The following NIBAN1 variants were observed in gnomAD, a reference collection of about 807,000 sequenced individuals.
NIBAN1 encodes the protein protein Niban 1.
Under a neutral mutation model 75.1 loss-of-function variants are expected in NIBAN1, and 81 were observed. That is an observed-to-expected ratio of 1.08 (90% CI 0.90 to 1.30). The LOEUF (loss-of-function observed/expected upper bound fraction) is 1.30. Ranked by LOEUF, NIBAN1 falls within the 50% of genes most tolerant of loss-of-function variation. The pLI is 0.00. For missense variants in NIBAN1, 1,133 were observed against 1,128.1 expected, an observed-to-expected ratio of 1.00 and a Z score of -0.06; for synonymous variants, 436 against 424.8, an observed-to-expected ratio of 1.03 and a Z score of -0.32.
chr1:184,930,971 T>C (rs1489274262), intron 1 of NIBAN1, among the ~76,000 whole-genome samples: 1 of 151,526 alleles, frequency 6.6e-6, no homozygotes, highest in Non-Finnish European at 1.5e-5. Flanking sequence ...CGTGTTTCAT[T>C]GTTTCTAAGT....
chr1:184,922,928 TA>T (rs1657597815), intron 1 of NIBAN1, among the ~76,000 whole-genome samples: 1 of 152,222 alleles, frequency 6.6e-6, no homozygotes, highest in African/African-American at 2.4e-5. Context: ...TTGTTTCTTA[TA>T]GAGTTGTTTA....
chr1:184,902,229 C>T (rs1656973803), intron 1 of NIBAN1, among the ~76,000 whole-genome samples: 1 of 151,984 alleles, frequency 6.6e-6, no homozygotes, highest in Non-Finnish European at 1.5e-5. Flanking sequence ...CAAGACCCCA[C>T]CTCTAATTTA....
chr1:184,794,962 G>C lies in NIBAN1; in HGVS notation c.*15C>G. On this transcript the variant is annotated 3_prime_UTR_variant, in exon 14 of 14. Transcript: ENST00000367511. ...TGGCTTTTTTCAGAGAAAGACTTCA[G>C]CCAAATTGTCCCTTTCACTCCTCTG... is the stretch of plus-strand genomic sequence containing the variant. The C allele has an allele frequency of 6.2e-7, 1 of 1,605,612 alleles. No individual in the cohort carries two copies. The highest frequency in any genetic ancestry group is 8.5e-7 in the Non-Finnish European group (1 of 1,179,980).
intron 5 of NIBAN1, among the ~76,000 whole-genome samples, chr1:184,870,784 C>G (rs1055073100): frequency 6.6e-6 from 1 of 152,144 alleles, no homozygotes. Context: ...ATACCGTAAC[C>G]AACCCTCTTA....
At chr1:184,912,861 C>A (rs1657279618) in intron 1 of NIBAN1, among the ~76,000 whole-genome samples, 1 of 152,120 alleles carries the variant, frequency 6.6e-6, no homozygotes. Flanking sequence ...TTCTTCAGGG[C>A]AGATGCAGCC....
In NIBAN1 at chr1:184,795,659, G is replaced by T. The variant is rs1332204737; in HGVS notation, c.2105C>A (p.Pro702His). The T allele has an allele frequency of 6.2e-7, 1 of 1,614,150 alleles. No homozygotes were observed. The highest frequency in any genetic ancestry group is 8.5e-7 in the Non-Finnish European group (1 of 1,180,030). Residue 702 changes from proline (P) to histidine (H), a missense_variant, in exon 14 of 14, where the codon CCC becomes CAC. Transcript: ENST00000367511. ...DEEPAQEEPE[P>H]ITASGSLKAL... is the part of the protein sequence containing the mutation. Reference sequence around the variant, plus strand: ...CTTCAAAGAACCCGAGGCAGTGATGGGTTCTGGCTCTTCCTGGGCGGGTTC... The same window carrying T: ...CTTCAAAGAACCCGAGGCAGTGATGTGTTCTGGCTCTTCCTGGGCGGGTTC...
Position 184,931,158 on chromosome 1 carries a change from C to T in NIBAN1, c.56-31849G>A, listed in dbSNP as rs117732995. 4.6e-3 allele frequency among the ~76,000 whole-genome samples: 701 copies of T among 152,146 alleles called. 10 individuals are homozygous for T. The highest frequency in any genetic ancestry group is 0.043 in the East Asian group (224 of 5,170). ...GGGATTACTGGCACCCACTACCCTACCCGGCTAGTTTTTATATTTTTAGTA... is the reference window on the plus strand; with the variant it reads ...GGGATTACTGGCACCCACTACCCTATCCGGCTAGTTTTTATATTTTTAGTA... On this transcript the variant is annotated intron_variant, in intron 1 of 13. Transcript: ENST00000367511.
At chr1:184,818,607 T>G (rs1187283276) in intron 9 of NIBAN1, 31 bp downstream of exon 9, 1 of 1,531,994 alleles carries the variant, frequency 6.5e-7, no homozygotes, top group Non-Finnish European at 8.9e-7. Flanking sequence ...GGCAGACCAT[T>G]CACACCCAGC....
chr1:184,887,294 C>T (rs913867041), intron 4 of NIBAN1, among the ~76,000 whole-genome samples: 2 of 152,146 alleles, frequency 1.3e-5, no homozygotes, highest in African/African-American at 4.8e-5. Flanking sequence ...AATGAATCAA[C>T]ATGAAAACGA....
intron 1 of NIBAN1, among the ~76,000 whole-genome samples, chr1:184,961,314 C>T (rs951142824): frequency 2.0e-5 from 3 of 151,898 alleles, no homozygotes; most frequent in African/African-American, 7.3e-5. Flanking sequence ...CGTGATCCAC[C>T]CGCCTCGGCC....
At chr1:184,903,872 G>GACCACAGGAGCGTGCC (rs1384749238) in intron 1 of NIBAN1, among the ~76,000 whole-genome samples, 3 of 150,532 alleles carry the variant, frequency 2.0e-5, no homozygotes, top group Non-Finnish European at 4.4e-5. Context: ...GAGTAGTTGG[G>GACCACAGGAGCGTGCC]ACCACAGGAG....
At chr1:184,949,498 G>A (rs1379060521) in intron 1 of NIBAN1, among the ~76,000 whole-genome samples, 3 of 152,192 alleles carry the variant, frequency 2.0e-5, no homozygotes, top group Non-Finnish European at 4.4e-5. Flanking sequence ...ATGTAAATTA[G>A]TTGTTATTAT....
intron 1 of NIBAN1, among the ~76,000 whole-genome samples, chr1:184,967,921 C>CAAAATCCTTTATGGCTTTGCAACATGA (rs1571613199): frequency 2.7e-5 from 2 of 74,542 alleles, no homozygotes; most frequent in African/African-American, 9.0e-5. Context: ...TCACAACTCA[C>CAAAATCCTTTATGGCTTTGCAACATGA]GGCCGGGCGC....
chr1:184,845,046 C>G (rs1228990342), intron 5 of NIBAN1, among the ~76,000 whole-genome samples: 2 of 152,220 alleles, frequency 1.3e-5, no homozygotes, highest in East Asian at 3.8e-4. Context: ...GTACCGCCAA[C>G]AGAGTTCTCT....
chr1:184,818,954 G>T, intron 8 of NIBAN1, 129 bp from the exon 9 acceptor site: 1 of 989,686 alleles, frequency 1.0e-6, no homozygotes, highest in Non-Finnish European at 1.4e-6. Context: ...AAGAGGCCAT[G>T]ACAGACTAGC....
intron 1 of NIBAN1, among the ~76,000 whole-genome samples, chr1:184,951,435 C>A (rs1658354679): frequency 1.3e-5 from 2 of 152,162 alleles, no homozygotes; most frequent in African/African-American, 4.8e-5. Context: ...ATGTGTTCCC[C>A]CAGTCTTCCT....
chr1:184,838,586 AC>A (rs1655200668), intron 5 of NIBAN1, among the ~76,000 whole-genome samples: 1 of 152,196 alleles, frequency 6.6e-6, no homozygotes, highest in African/African-American at 2.4e-5. Flanking sequence ...TATTTGGTAG[AC>A]ATGATTAAGG....
At chr1:184,865,420 A>C (rs1343736667) in intron 5 of NIBAN1, among the ~76,000 whole-genome samples, 2 of 152,148 alleles carry the variant, frequency 1.3e-5, no homozygotes, top group African/African-American at 4.8e-5. Flanking sequence ...GTACCAATGG[A>C]CATATAGATG....
At chr1:184,858,830 G>T (rs1169308327) in intron 5 of NIBAN1, among the ~76,000 whole-genome samples, 2 of 152,022 alleles carry the variant, frequency 1.3e-5, no homozygotes, top group Non-Finnish European at 2.9e-5. Flanking sequence ...GCAAACCACA[G>T]AATATTATAT....
Sources: allele counts gnomAD v4.1 joint callset (sites outside exome capture counted in the v4.1 genomes callset), GRCh38; gene constraint gnomAD v4.1.1; transcripts MANE v1.5; gene names NCBI Gene and HGNC (gene_info 2026-07-23, HGNC 2026-07-21).